PKIA: variants seen among roughly 807,000 people sequenced by gnomAD.
The protein encoded by PKIA is cAMP-dependent protein kinase inhibitor alpha, also known as PKI-alpha.
In PKIA, 4 loss-of-function variants were observed where a neutral mutation model predicts 7.6. The ratio of observed to expected loss-of-function variants is 0.52; its 90% CI spans 0.26 to 1.20. The LOEUF (loss-of-function observed/expected upper bound fraction) is 1.20, where lower values mean the gene tolerates loss of function less well. PKIA is among the 50% of genes most tolerant of loss of function. PKIA has a pLI of 0.13. For synonymous variants in PKIA, 21 were observed against 30.7 expected, an observed-to-expected ratio of 0.68 and a Z score of 1.04; for missense variants, 73 against 86.2, an observed-to-expected ratio of 0.85 and a Z score of 0.61.
At chr8:78,576,186 T>C (rs1316232326) in intron 2 of PKIA, among the ~76,000 whole-genome samples, 2 of 152,024 alleles carry the variant, frequency 1.3e-5, no homozygotes, top group African/African-American at 2.4e-5. Flanking sequence ...CTGGGAAACA[T>C]AATTCAGTCT....
chr8:78,537,575 A>AC (rs1291545593), intron 1 of PKIA, among the ~76,000 whole-genome samples: 1 of 141,104 alleles, frequency 7.1e-6, no homozygotes, highest in Non-Finnish European at 1.5e-5. Context: ...TTATTTCCCA[A>AC]CCCCCTCTCC....
intron 2 of PKIA, among the ~76,000 whole-genome samples, chr8:78,593,727 G>A (rs896844920): frequency 2.0e-5 from 3 of 149,722 alleles, no homozygotes; most frequent in Non-Finnish European, 2.9e-5. Flanking sequence ...AAAAAGCATG[G>A]GCAGGAACTT....
Position 78,603,055 on chromosome 8 carries a change from T to C in PKIA, c.*1234T>C, listed in dbSNP as rs936136837. ...TTGCATTCTGATACAATAATGATTA[T>C]CATTAGAAGCTAACAAAATTCTCAT... is the stretch of plus-strand genomic sequence containing the variant. On this transcript the variant is annotated 3_prime_UTR_variant, in exon 4 of 4. Transcript: ENST00000396418. 3.3e-5 allele frequency: 5 copies of C among 152,438 alleles called. No individual in the cohort carries two copies. Among genetic ancestry groups the C allele is most frequent in the Non-Finnish European group, 7.4e-5 (5 of 67,962 alleles). 9.4% of individuals were successfully genotyped at this position (152,438 alleles called of 1,614,324 possible).
chr8:78,566,305 G>A (rs1187183047), intron 1 of PKIA, among the ~76,000 whole-genome samples: 1 of 152,060 alleles, frequency 6.6e-6, no homozygotes, highest in Non-Finnish European at 1.5e-5. Flanking sequence ...ACATGTCTTT[G>A]TTGGCTGTTA....
chr8:78,561,684 T>C (rs1807290341), intron 1 of PKIA, among the ~76,000 whole-genome samples: 1 of 152,124 alleles, frequency 6.6e-6, no homozygotes, highest in African/African-American at 2.4e-5. Context: ...ACTTTCTGAG[T>C]CCAAATACTG....
At chr8:78,542,780 G>C (rs571275409) in intron 1 of PKIA, among the ~76,000 whole-genome samples, 1 of 152,078 alleles carries the variant, frequency 6.6e-6, no homozygotes, top group East Asian at 1.9e-4. Context: ...ACTCTCTTTT[G>C]TATTCCCAGT....
intron 2 of PKIA, among the ~76,000 whole-genome samples, chr8:78,581,393 C>T (rs143224943): frequency 9.7e-4 from 148 of 152,074 alleles, no homozygotes; most frequent in African/African-American, 3.3e-3. Flanking sequence ...TACATAAGCA[C>T]AAAGTATCTT....
chr8:78,539,043 T>C (rs753586245), intron 1 of PKIA, among the ~76,000 whole-genome samples: 5 of 152,018 alleles, frequency 3.3e-5, no homozygotes, highest in Non-Finnish European at 5.9e-5. Context: ...AGGTGAGTAA[T>C]GAAAGGCAGA....
chr8:78,517,073 T>A (rs1809330114), intron 1 of PKIA, among the ~76,000 whole-genome samples: 1 of 152,200 alleles, frequency 6.6e-6, no homozygotes, highest in South Asian at 2.1e-4. Context: ...TCTCTGTCAA[T>A]CATTTCATTG....
rs527462175 is a variant in PKIA, at chr8:78,602,514, A to T, written c.*693A>T. ...CACAGTCTTTCCCCTTGCTCATTGT[A>T]TGTTGATGAGTTGATTAAGTCTAAC... On this transcript the variant is annotated 3_prime_UTR_variant, in exon 4 of 4. Transcript: ENST00000396418. 1 of 152,228 alleles carries T rather than the reference A, an allele frequency of 6.6e-6. No homozygotes were observed. Among genetic ancestry groups the T allele is most frequent in the Non-Finnish European group, 1.5e-5 (1 of 67,908 alleles). 9.4% of individuals were successfully genotyped at this position (152,228 alleles called of 1,614,324 possible). A position where few individuals can be genotyped will look rare whatever the true frequency, so the allele number is the denominator to read the frequency against.
chr8:78,587,389 G>A (rs1276157496), intron 2 of PKIA, among the ~76,000 whole-genome samples: 1 of 152,178 alleles, frequency 6.6e-6, no homozygotes, highest in Non-Finnish European at 1.5e-5. Flanking sequence ...CAGTACTGCT[G>A]CTGACTGGGT....
In PKIA at chr8:78,555,798, A is replaced by G. The variant is rs1183215411; in HGVS notation, c.-156-17013A>G. On this transcript the variant is annotated intron_variant, in intron 1 of 3. Coordinates refer to ENST00000396418, the MANE Select transcript of PKIA (RefSeq NM_006823.4). ...CTAGAAAAAGACATTTAAAACTGCT[A>G]AAGTTATTAATGCACTGAAAAGAAA... Among the ~76,000 whole-genome samples the G allele has an allele frequency of 2.0e-5, 3 of 152,086 alleles. No individual in the cohort carries two copies. In the East Asian group the frequency reaches 5.8e-4, roughly 29 times the overall value.
chr8:78,600,864 C>G (rs761366854), intron 3 of PKIA, among the ~76,000 whole-genome samples: 3 of 152,032 alleles, frequency 2.0e-5, no homozygotes, highest in Non-Finnish European at 4.4e-5. Flanking sequence ...AATAGGCCAT[C>G]CAACTTACCT....
chr8:78,595,096 G>T (rs1012910823), intron 2 of PKIA, among the ~76,000 whole-genome samples: 3 of 152,162 alleles, frequency 2.0e-5, no homozygotes, highest in African/African-American at 7.2e-5. Context: ...ACTTTTTCTG[G>T]TAACACTTAG....
At chr8:78,569,997 T>C (rs1585907976) in intron 1 of PKIA, among the ~76,000 whole-genome samples, 1 of 151,942 alleles carries the variant, frequency 6.6e-6, no homozygotes, top group Non-Finnish European at 1.5e-5. Context: ...GAGGAAAACA[T>C]AGGCTTAGTG....
chr8:78,572,460 T>C (rs1043283363), intron 1 of PKIA, among the ~76,000 whole-genome samples: 1 of 150,838 alleles, frequency 6.6e-6, no homozygotes, highest in Non-Finnish European at 1.5e-5. Flanking sequence ...GACAGAAAAC[T>C]TGCCTTTTTT....
At chr8:78,531,790 G>GA (rs1382330789) in intron 1 of PKIA, among the ~76,000 whole-genome samples, 1 of 152,100 alleles carries the variant, frequency 6.6e-6, no homozygotes, top group Non-Finnish European at 1.5e-5. Flanking sequence ...GGAAGGAGGA[G>GA]AGAGAGGGAA....
intron 1 of PKIA, among the ~76,000 whole-genome samples, chr8:78,541,270 G>A (rs1418297072): frequency 6.6e-6 from 1 of 152,084 alleles, no homozygotes; most frequent in Admixed American, 6.6e-5. Flanking sequence ...AAGTTGCACA[G>A]TTGGCAAGTG....
At chr8:78,589,071 GA>G (rs1329442121) in intron 2 of PKIA, among the ~76,000 whole-genome samples, 3 of 152,050 alleles carry the variant, frequency 2.0e-5, no homozygotes, top group Non-Finnish European at 2.9e-5. Context: ...TGATAATGAG[GA>G]AGAAGATAGA....
Sources: allele counts gnomAD v4.1 joint callset (sites outside exome capture counted in the v4.1 genomes callset), GRCh38; gene constraint gnomAD v4.1.1; transcripts MANE v1.5; gene names NCBI Gene and HGNC (gene_info 2026-07-23, HGNC 2026-07-21).